LMNTD1: variants seen among roughly 807,000 people sequenced by gnomAD.
LMNTD1 encodes the protein lamin tail domain containing 1.
Under a neutral mutation model 50.9 loss-of-function variants are expected in LMNTD1, and 35 were observed. That is an observed-to-expected ratio of 0.69 (90% CI 0.53 to 0.91). The LOEUF is 0.91. Ranked by LOEUF, LMNTD1 falls within the 40% of genes least tolerant of loss-of-function variation. The pLI is 0.00. For synonymous variants in LMNTD1, 153 were observed against 161.9 expected, an observed-to-expected ratio of 0.94 and a Z score of 0.42; for missense variants, 470 against 475.5, an observed-to-expected ratio of 0.99 and a Z score of 0.11.
chr12:25,607,190 G>GT lies in LMNTD1; in HGVS notation c.58+41303dup, dbSNP rs545255802. ...GATTGGTGGCGATATCCTCTTTATC[G>GT]TTTTTTATTGCATCTGTTTGATTCT... On this transcript the variant is annotated intron_variant, in intron 1 of 7. Coordinates refer to the LMNTD1 transcript ENST00000445693. Among the ~76,000 whole-genome samples, 640 of 152,168 alleles carry GT rather than the reference G, an allele frequency of 4.2e-3. 13 individuals are homozygous for GT. Among genetic ancestry groups the GT allele is most frequent in the African/African-American group, 0.015 (618 of 41,534 alleles).
At chr12:25,601,514 C>A (rs556429704) in intron 1 of LMNTD1, among the ~76,000 whole-genome samples, 1 of 151,704 alleles carries the variant, frequency 6.6e-6, no homozygotes, top group African/African-American at 2.4e-5. Context: ...GATGGATACC[C>A]CATTTTACAT....
intron 1 of LMNTD1, among the ~76,000 whole-genome samples, chr12:25,635,550 A>T (rs547738836): frequency 4.6e-5 from 7 of 152,334 alleles, no homozygotes; most frequent in African/African-American, 1.4e-4. Flanking sequence ...TTTGAAAATG[A>T]CCATACTGCC....
In LMNTD1 at chr12:25,588,740, G is replaced by A. The variant is rs77155654; in HGVS notation, c.59-42186C>T. ...TTTCCTTTAAATTATTTATTAAACT[G>A]TACATAGATGTTTTATGTATTTTTG... On this transcript the variant is annotated intron_variant, in intron 1 of 7. Coordinates refer to the LMNTD1 transcript ENST00000445693. Among the ~76,000 whole-genome samples the A allele has an allele frequency of 5.4e-3, 823 of 152,118 alleles. 6 individuals carry two copies. Among genetic ancestry groups the A allele is most frequent in the South Asian group, 0.011 (52 of 4,818 alleles).
intron 3 of LMNTD1, among the ~76,000 whole-genome samples, chr12:25,547,968 T>C (rs952363114): frequency 6.6e-6 from 1 of 151,848 alleles, no homozygotes; most frequent in East Asian, 1.9e-4. Context: ...GTATTTCATT[T>C]TTTTGCCCCA....
chr12:25,577,983 A>G (rs944445920), intron 1 of LMNTD1, among the ~76,000 whole-genome samples: 13 of 152,084 alleles, frequency 8.5e-5, no homozygotes, highest in Middle Eastern at 3.2e-3. Context: ...CCTCCTACCT[A>G]CTAGCACCTT....
At chr12:25,526,657 C>A (rs933606149) in intron 5 of LMNTD1, 112 bp downstream of exon 5, 2 of 669,416 alleles carry the variant, frequency 3.0e-6, no homozygotes, top group Non-Finnish European at 4.8e-6. Flanking sequence ...TCACATCTTA[C>A]GTACAGATCC....
In LMNTD1 at chr12:25,503,781, T is replaced by C. The variant is rs1939522081; in HGVS notation, c.1209A>G (p.Thr403=). The C allele has an allele frequency of 6.3e-7, 1 of 1,586,688 alleles. No homozygotes were observed. The highest frequency in any genetic ancestry group is 8.6e-7 in the Non-Finnish European group (1 of 1,163,348). Residue 403 remains threonine (T), a synonymous_variant, in exon 9 of 10, where the codon ACA becomes ACG. Coordinates refer to ENST00000458174, the MANE Select transcript of LMNTD1 (RefSeq NM_001145728.2). ...NRASGSKKKK[T]SESQKQ is the part of the protein sequence containing the mutation. Reference sequence around the variant, plus strand: ...CTGCTTATTGCTTTTGTGACTCAGATGTCTTCTTTTTCTTAGACCCTGAAA... The same window carrying C: ...CTGCTTATTGCTTTTGTGACTCAGACGTCTTCTTTTTCTTAGACCCTGAAA...
intron 9 of LMNTD1, among the ~76,000 whole-genome samples, chr12:25,476,820 T>C (rs1289719614): frequency 6.6e-6 from 1 of 152,224 alleles, no homozygotes; most frequent in African/African-American, 2.4e-5. Context: ...AAAGCAGCCC[T>C]GGATAACTGA....
intron 7 of LMNTD1, among the ~76,000 whole-genome samples, chr12:25,519,347 T>C (rs1164142935): frequency 7.5e-6 from 1 of 133,066 alleles, no homozygotes; most frequent in African/African-American, 2.7e-5. Flanking sequence ...ATCCCAGCAC[T>C]TTGGGAGGCC....
In LMNTD1 at chr12:25,622,464, C is replaced by CT. The variant is rs1194410303; in HGVS notation, c.58+26029_58+26030insA. On this transcript the variant is annotated intron_variant, in intron 1 of 7. Transcript: ENST00000445693. ...TTGCCCTTGACCTTGAGTTTGTGAG[C>CT]CCGCCCCCCCCCGCAAAATAATATC... 1.7e-4 allele frequency among the ~76,000 whole-genome samples: 19 copies of CT among 111,760 alleles called. 1 individual carries two copies. The highest frequency in any genetic ancestry group is 3.9e-4 in the African/African-American group (13 of 33,012). The allele number at this position is 111,760 out of a possible 152,430, so 73.3% of individuals were successfully genotyped here.
chr12:25,546,359 A>T lies in LMNTD1; in HGVS notation c.491+15T>A. On this transcript the variant is annotated intron_variant, in intron 4 of 9. Coordinates refer to ENST00000458174, the MANE Select transcript of LMNTD1 (RefSeq NM_001145728.2). ...CCCGACAGAAGATACTAAGTAGTTC[A>T]AATAAAATATGTACCTGGAGGTAAA... The T allele has an allele frequency of 6.5e-7, 1 of 1,536,450 alleles. No homozygotes were observed. The highest frequency in any genetic ancestry group is 8.8e-7 in the Non-Finnish European group (1 of 1,133,704).
intron 4 of LMNTD1, among the ~76,000 whole-genome samples, chr12:25,541,635 C>A (rs1943083064): frequency 8.4e-6 from 1 of 118,576 alleles, no homozygotes; most frequent in Non-Finnish European, 1.8e-5. Flanking sequence ...AAAACCTAGG[C>A]ATTACCATTC....
chr12:25,574,460 C>A (rs1338807627), intron 1 of LMNTD1, among the ~76,000 whole-genome samples: 2 of 152,060 alleles, frequency 1.3e-5, no homozygotes, highest in Admixed American at 6.6e-5. Context: ...GTTTTCTAAT[C>A]TGTAAAATGA....
intron 8 of LMNTD1, among the ~76,000 whole-genome samples, chr12:25,508,575 C>T (rs1940003800): frequency 6.6e-6 from 1 of 152,136 alleles, no homozygotes; most frequent in South Asian, 2.1e-4. Flanking sequence ...CAAATACAGT[C>T]ACTCAGACCA....
intron 1 of LMNTD1, among the ~76,000 whole-genome samples, chr12:25,564,856 C>G (rs1258629786): frequency 6.6e-6 from 1 of 152,092 alleles, no homozygotes; most frequent in East Asian, 1.9e-4. Flanking sequence ...GTATTGGAGT[C>G]TATCTCTCTC....
At chr12:25,648,371 C>A in intron 1 of LMNTD1, 1 of 743,196 alleles carries the variant, frequency 1.3e-6, no homozygotes, top group South Asian at 1.8e-5. Flanking sequence ...AAAAATTGTT[C>A]TTATATCTCA....
chr12:25,613,337 C>A (rs1198676110), intron 1 of LMNTD1, among the ~76,000 whole-genome samples: 1 of 152,116 alleles, frequency 6.6e-6, no homozygotes, highest in Non-Finnish European at 1.5e-5. Flanking sequence ...GCTTAGGAAC[C>A]AAAAGACCTG....
At chr12:25,518,047 G>C (rs1334088354) in intron 8 of LMNTD1, among the ~76,000 whole-genome samples, 2 of 152,132 alleles carry the variant, frequency 1.3e-5, no homozygotes, top group Non-Finnish European at 2.9e-5. Context: ...TCTCGCTTAA[G>C]ATTTCATTTT....
At chr12:25,483,961 G>T (rs1938527301) in intron 9 of LMNTD1, among the ~76,000 whole-genome samples, 3 of 151,940 alleles carry the variant, frequency 2.0e-5, no homozygotes, top group Admixed American at 2.0e-4. Context: ...ACCTTTCTTG[G>T]TTATGTCTAT....
Sources: gnomAD v4.1 joint callset for allele counts (sites outside exome capture counted in the v4.1 genomes callset) on GRCh38, gnomAD v4.1.1 for gene constraint, MANE v1.5 for transcripts, NCBI Gene and HGNC (gene_info 2026-07-23, HGNC 2026-07-21) for gene names.